Variants in SLC22A14 observed in about 807,000 individuals in gnomAD.
SLC22A14 encodes the protein organic cation transporter-like 4.
In SLC22A14, 50 loss-of-function variants were observed where a neutral mutation model predicts 53.9. That is an observed-to-expected ratio of 0.93 (90% CI 0.74 to 1.17). The LOEUF is 1.17. SLC22A14 is among the 50% of genes most tolerant of loss of function. The pLI is 0.00. For synonymous variants in SLC22A14, 312 were observed against 303.0 expected (o/e 1.03, Z -0.31); for missense variants, 671 against 734.7 (o/e 0.91, Z 1.00).
At chr3:38,289,430 G>T (rs1021238422) in intron 1 of SLC22A14, among the ~76,000 whole-genome samples, 3 of 152,066 alleles carry the variant, frequency 2.0e-5, no homozygotes, top group Non-Finnish European at 2.9e-5. Context: ...TTACCCAGGG[G>T]GTCCTTGCTT....
At chr3:38,305,202 G>A (rs1053933375) in intron 1 of SLC22A14, 1 of 151,158 alleles carries the variant, frequency 6.6e-6, no homozygotes, top group African/African-American at 2.4e-5. Context: ...AACATCTGCA[G>A]TCTAAAAGTC....
chr3:38,313,595 G>A (rs1704534301), intron 7 of SLC22A14, 110 bp downstream of exon 7: 2 of 959,300 alleles, frequency 2.1e-6, no homozygotes, highest in South Asian at 2.7e-5. Context: ...CAAGGACACA[G>A]ATCACAGGTC....
chr3:38,315,834 T>C, intron 9 of SLC22A14, 123 bp downstream of exon 9: 1 of 1,025,880 alleles, frequency 9.7e-7, no homozygotes, highest in Non-Finnish European at 1.4e-6. Flanking sequence ...ACAGTTTACA[T>C]AAGTGATCTC....
rs556526925 is a variant in SLC22A14, at chr3:38,316,070, T to G, written c.1533-254T>G. Among the ~76,000 whole-genome samples, 23 of 152,344 alleles carry G rather than the reference T, an allele frequency of 1.5e-4. No individual in the cohort carries two copies. In the South Asian group the frequency reaches 2.5e-3, roughly 16 times the overall value. ...TCCCTGAGGTTGGCGATGGGAGCAC[T>G]ATCTTCCTGCCTGGCTGGCATCACT... On this transcript the variant is annotated intron_variant, in intron 9 of 10. Transcript: ENST00000448498.
rs1704596470 is a variant in SLC22A14, at chr3:38,315,569, C to T, written c.1390C>T (p.Leu464Phe). The change falls in exon 9 of 11, where the codon CTC (leucine) becomes TTC (phenylalanine). Residue 464 changes from leucine to phenylalanine, a missense_variant. Transcript: ENST00000448498. ...TTCACCCACCCCAGGGGAGGATGGC[C>T]TCAGACTCAAGTGGCCACGTTGTCC... The part of the protein sequence containing the change: ...LLFLPEGEDG[L>F]RLKWPRCPAT... 6.2e-7 allele frequency: 1 copy of T among 1,613,900 alleles called. No homozygotes were observed. The highest frequency in any genetic ancestry group is 1.1e-5 in the South Asian group (1 of 91,062).
intron 1 of SLC22A14, among the ~76,000 whole-genome samples, chr3:38,290,492 T>C (rs1461140035): frequency 1.3e-5 from 2 of 152,064 alleles, no homozygotes; most frequent in African/African-American, 4.8e-5. Context: ...TGGCCTGCAG[T>C]GTAGGGGATT....
At chr3:38,315,737 C>A in intron 9 of SLC22A14, 26 bp downstream of exon 9, 1 of 1,602,862 alleles carries the variant, frequency 6.2e-7, no homozygotes, top group Non-Finnish European at 8.5e-7. Context: ...GGCGAGGGGG[C>A]CATGGGGACA....
Position 38,307,680 on chromosome 3 carries a change from G to C in SLC22A14, c.735G>C (p.Ser245=), listed in dbSNP as rs148000898. 2,478 of 1,614,190 alleles carry C rather than the reference G, an allele frequency of 1.5e-3. 3 individuals are homozygous for C. The highest frequency in any genetic ancestry group is 1.9e-3 in the Non-Finnish European group (2,301 of 1,180,040). ...HLYLFFRFGI[S]QSVVGYAISS... is the part of the protein sequence containing the mutation. The stretch of plus-strand genomic sequence containing the variant: ...ATTTGTTCTTTCGCTTTGGCATCTC[G>C]CAGTCAGTGGTGGGCTACGCCATCA... Residue 245 remains serine, a synonymous_variant, in exon 4 of 11, where the codon TCG becomes TCC. Coordinates refer to ENST00000448498, the MANE Select transcript of SLC22A14 (RefSeq NM_001320033.2). The surrounding 1 kb of genome is among the most constrained non-coding windows in gnomAD (Gnocchi z 4.4).
chr3:38,315,490 G>T (rs1238560199), intron 8 of SLC22A14, 68 bp from the exon 9 acceptor site: 10 of 1,508,574 alleles, frequency 6.6e-6, no homozygotes, highest in Non-Finnish European at 9.0e-6. Flanking sequence ...GGTGGGGAAG[G>T]CTGTTCAGAT....
intron 1 of SLC22A14, among the ~76,000 whole-genome samples, chr3:38,283,936 T>C (rs1354285817): frequency 6.6e-5 from 10 of 152,236 alleles, no homozygotes; most frequent in Admixed American, 6.5e-4. Context: ...ATGGGAATGC[T>C]GTCCCATTGG....
At chr3:38,279,993 C>T (rs1703631311), upstream of SLC22A14, among the ~76,000 whole-genome samples, 1 of 152,192 alleles carries the variant, frequency 6.6e-6, no homozygotes, top group African/African-American at 2.4e-5. Flanking sequence ...TGTAAGACAA[C>T]AAAGCTGGCT....
At chr3:38,303,750 CT>C (rs1704225877) in intron 1 of SLC22A14, 1 of 151,786 alleles carries the variant, frequency 6.6e-6, no homozygotes, top group Non-Finnish European at 1.5e-5. Flanking sequence ...GATCATTTTC[CT>C]TCTTATCTTT....
chr3:38,312,266 T>A (rs1404718188), intron 5 of SLC22A14, among the ~76,000 whole-genome samples: 1 of 152,190 alleles, frequency 6.6e-6, no homozygotes, highest in Non-Finnish European at 1.5e-5. Flanking sequence ...TCCTTGAGCC[T>A]GGGAGTAAAA....
At chr3:38,287,104 T>G (rs1460760764) in intron 1 of SLC22A14, among the ~76,000 whole-genome samples, 1 of 151,652 alleles carries the variant, frequency 6.6e-6, no homozygotes, top group South Asian at 2.1e-4. Context: ...TATAGGTGTG[T>G]GTGTGCGTGT....
rs372653471 is a variant in SLC22A14, at chr3:38,307,694, G to A, written c.749G>A (p.Gly250Asp). ...TTTGGCATCTCGCAGTCAGTGGTGG[G>A]CTACGCCATCAGCAGCATTTCTTTG... ...FRFGISQSVV[G>D]YAISSISLAT... The change falls in exon 4 of 11, where the codon GGC becomes GAC. Residue 250 changes from glycine (G) to aspartate (D), a missense_variant. Transcript: ENST00000448498. The surrounding 1 kb of genome is among the most constrained non-coding windows in gnomAD (Gnocchi z 4.4). 1 of 1,614,178 alleles carries A rather than the reference G, an allele frequency of 6.2e-7. No homozygotes were observed. Among genetic ancestry groups the A allele is most frequent in the Non-Finnish European group, 8.5e-7 (1 of 1,180,036 alleles).
At chr3:38,305,846 C>T in intron 1 of SLC22A14, 181 bp from the exon 2 acceptor site, 1 of 636,898 alleles carries the variant, frequency 1.6e-6, no homozygotes, top group East Asian at 2.6e-5. Context: ...GATGGTTGGG[C>T]CAGGGGGGAA....
At chr3:38,299,160 A>T (rs1704106573) in intron 1 of SLC22A14, among the ~76,000 whole-genome samples, 1 of 152,076 alleles carries the variant, frequency 6.6e-6, no homozygotes, top group Non-Finnish European at 1.5e-5. Flanking sequence ...TGCTGTTTGG[A>T]TTACTTCTTT....
At chr3:38,308,808 C>G in intron 4 of SLC22A14, 146 bp from the exon 5 acceptor site, 1 of 745,698 alleles carries the variant, frequency 1.3e-6, no homozygotes, top group Non-Finnish European at 2.3e-6. Flanking sequence ...GGGGCTGTCT[C>G]TGGACCCAGT....
chr3:38,283,567 C>T (rs935929345), intron 1 of SLC22A14, among the ~76,000 whole-genome samples: 15 of 152,172 alleles, frequency 9.9e-5, no homozygotes, highest in Non-Finnish European at 1.6e-4. Context: ...CAGTGGCTCA[C>T]GCCTGTAATC....
Sources: allele counts gnomAD v4.1 joint callset (sites outside exome capture counted in the v4.1 genomes callset), GRCh38; gene constraint gnomAD v4.1.1; non-coding constraint Gnocchi (gnomAD v3.1); transcripts MANE v1.5; gene names NCBI Gene and HGNC (gene_info 2026-07-23, HGNC 2026-07-21).